Variants in ZNF699 observed in about 807,000 individuals in gnomAD.
ZNF699 encodes zinc finger protein 699, also known as hangover homolog.
ZNF699 carries 18 observed loss-of-function variants against 22.5 expected under a neutral mutation model. The observed-to-expected ratio is 0.80, with a 90% CI of 0.55 to 1.19. The LOEUF (loss-of-function observed/expected upper bound fraction) is 1.19. Ranked by LOEUF, ZNF699 falls within the 50% of genes most tolerant of loss-of-function variation. ZNF699 has a pLI of 0.00. For synonymous variants in ZNF699, 241 were observed against 262.3 expected, an observed-to-expected ratio of 0.92 and a Z score of 0.78; for missense variants, 670 against 763.4, an observed-to-expected ratio of 0.88 and a Z score of 1.44.
intron 3 of ZNF699, among the ~76,000 whole-genome samples, chr19:9,301,984 C>A (rs1252613992): frequency 1.3e-5 from 2 of 151,352 alleles, no homozygotes; most frequent in Non-Finnish European, 2.9e-5. Context: ...CTCACCGTAA[C>A]CTCCACCTCC....
At position 9,295,262 on chromosome 19, in the gene ZNF699, T is replaced by TAAAAAA; in HGVS notation, c.*212_*213insTTTTTT. On this transcript the variant is annotated 3_prime_UTR_variant, in exon 6 of 6. Coordinates refer to ENST00000591998, the MANE Select transcript of ZNF699 (RefSeq NM_198535.3). ...AGGATGAGGCACTGATCTTCATTTC[T>TAAAAAA]AGTAGAGATTTTCTTATACATAATA... The TAAAAAA allele has an allele frequency of 1.8e-6, 1 of 556,402 alleles. No individual in the cohort carries two copies. Among genetic ancestry groups the TAAAAAA allele is most frequent in the Admixed American group, 3.6e-5 (1 of 28,118 alleles). 34.5% of individuals were successfully genotyped at this position (556,402 alleles called of 1,614,324 possible).
chr19:9,297,972 G>T lies in ZNF699; in HGVS notation c.194C>A (p.Pro65His), dbSNP rs1294737378. Residue 65 changes from proline to histidine, a missense_variant, in exon 4 of 6, where the codon CCC (proline) becomes CAC (histidine). Coordinates refer to ENST00000591998, the MANE Select transcript of ZNF699 (RefSeq NM_198535.3). This position sits in a 1 kb window ranked among gnomAD's most constrained non-coding sequence, Gnocchi z 4.3. ...TTGTTCCCACTGGGAGATCAGATGG[G>T]GTGTGTGTAGCGGATACCCTGCACA... The part of the protein sequence containing the change: ...LASLGYPLHT[P>H]HLISQWEQEE... The T allele has an allele frequency of 5.6e-6, 9 of 1,612,712 alleles. No individual in the cohort carries two copies. Among genetic ancestry groups the T allele is most frequent in the African/African-American group, 1.3e-5 (1 of 74,620 alleles).
rs1202468015 is a variant in ZNF699 at position 9,301,134 on chromosome 19, AAAAAG to A, written c.175+1239_175+1243del. On this transcript the variant is annotated intron_variant, in intron 3 of 5. Coordinates refer to ENST00000591998, the MANE Select transcript of ZNF699 (RefSeq NM_198535.3). ...AAAATAATAATAAAGCCTACAAAAA[AAAAAG>A]AGAGAGAGAGAGAGAGAGAGAGAAG... is the stretch of plus-strand genomic sequence containing the variant. Among the ~76,000 whole-genome samples the A allele has an allele frequency of 7.3e-3, 1,073 of 146,556 alleles. 8 individuals carry two copies. The highest frequency in any genetic ancestry group is 0.028 in the African/African-American group (1,010 of 36,226).
At chr19:9,303,909 C>G (rs576361211) in intron 2 of ZNF699, among the ~76,000 whole-genome samples, 57 of 152,072 alleles carry the variant, frequency 3.7e-4, no homozygotes, top group African/African-American at 1.3e-3. Flanking sequence ...CCTCCACCTC[C>G]CTGGTTCAAG....
chr19:9,296,706 T>G lies in ZNF699; in HGVS notation c.698A>C (p.His233Pro). Reference protein sequence around the residue: ...YQCKECGKAFHFLACFKKHMK... With the variant: ...YQCKECGKAFPFLACFKKHMK... ...ATGCTTCTTGAAACAAGCAAGAAAATGGAAGGCCTTCCCACATTCCTTGCA... is the reference window on the plus strand; with the variant it reads ...ATGCTTCTTGAAACAAGCAAGAAAAGGGAAGGCCTTCCCACATTCCTTGCA... Residue 233 changes from histidine to proline, a missense_variant, in exon 6 of 6, where the codon CAT (histidine) becomes CCT (proline). Physicochemically the swap from His to Pro is moderately conservative, Grantham distance 77. Coordinates refer to ENST00000591998, the MANE Select transcript of ZNF699 (RefSeq NM_198535.3). The G allele has an allele frequency of 6.2e-7, 1 of 1,603,854 alleles. No homozygotes were observed. The highest frequency in any genetic ancestry group is 8.5e-7 in the Non-Finnish European group (1 of 1,176,990).
In ZNF699 at chr19:9,295,604, T is replaced by C. The variant is rs1443752174; in HGVS notation, c.1800A>G (p.Ser600=). 2.5e-6 allele frequency: 4 copies of C among 1,612,658 alleles called. No individual in the cohort carries two copies. Among genetic ancestry groups the C allele is most frequent in the African/African-American group, 2.7e-5 (2 of 74,350 alleles). The change falls in exon 6 of 6, where the codon TCA becomes TCG. Residue 600 remains serine, a synonymous_variant. Transcript: ENST00000591998. The part of the protein sequence containing the change: ...LECGKAFSCP[S]SFRRHVRSHT... ...GGCTTCTCACATGCCTTCGAAAGGA[T>C]GAGGGACAACTGAAAGCTTTTCCAC...
At chr19:9,299,626 C>T (rs2066299889) in intron 3 of ZNF699, among the ~76,000 whole-genome samples, 1 of 152,038 alleles carries the variant, frequency 6.6e-6, no homozygotes, top group Non-Finnish European at 1.5e-5. Context: ...GATAATAATG[C>T]TAAAGCATGA....
Position 9,295,592 on chromosome 19 carries a change from C to A in ZNF699, c.1812G>T (p.Arg604Ser). The A allele has an allele frequency of 6.3e-7, 1 of 1,592,284 alleles. No homozygotes were observed. The highest frequency in any genetic ancestry group is 1.1e-5 in the South Asian group (1 of 87,852). ...TCTCTCCAGTGTGGCTTCTCACATG[C>A]CTTCGAAAGGATGAGGGACAACTGA... ...KAFSCPSSFR[R>S]HVRSHTGEKP... is the part of the protein sequence containing the mutation. The change falls in exon 6 of 6, where the codon AGG (arginine) becomes AGT (serine). Residue 604 changes from arginine to serine, a missense_variant. Transcript: ENST00000591998.
intron 1 of ZNF699, among the ~76,000 whole-genome samples, chr19:9,305,705 C>G (rs1387631471): frequency 6.7e-6 from 1 of 149,044 alleles, no homozygotes; most frequent in African/African-American, 2.6e-5. Flanking sequence ...GAGCATCAGC[C>G]TATTTTTTTT....
intron 3 of ZNF699, among the ~76,000 whole-genome samples, chr19:9,300,227 C>T (rs1033699677): frequency 3.9e-5 from 6 of 152,124 alleles, no homozygotes; most frequent in Non-Finnish European, 7.4e-5. Context: ...ACTACAGGTG[C>T]CCGCCAACAC....
Position 9,294,591 on chromosome 19 carries a change from C to G in ZNF699, c.*884G>C, listed in dbSNP as rs894837624. ...CAGCTTTTTCTTCCCTTATGCCTTC[C>G]AAATCTCGTACAAACTCTTATTTTA... On this transcript the variant is annotated 3_prime_UTR_variant, in exon 6 of 6. Transcript: ENST00000591998. 4.6e-5 allele frequency: 7 copies of G among 152,132 alleles called. No homozygotes were observed. The highest frequency in any genetic ancestry group is 1.7e-4 in the African/African-American group (7 of 41,434). The allele number at this position is 152,132 out of a possible 1,614,324, so 9.4% of individuals were successfully genotyped here. A position where few individuals can be genotyped will look rare whatever the true frequency, so the allele number is the denominator to read the frequency against.
rs1377259328 is a variant in ZNF699 at position 9,294,401 on chromosome 19, A to G, written c.*1074T>C. ...ATCCTCCAGCCTCAGCTCCCTGAGT[A>G]GCTGGGACCACAGGTATGCACCATC... On this transcript the variant is annotated 3_prime_UTR_variant, in exon 6 of 6. Transcript: ENST00000591998. The G allele has an allele frequency of 4.6e-5, 7 of 152,294 alleles. No homozygotes were observed. Among genetic ancestry groups the G allele is most frequent in the Admixed American group, 4.6e-4 (7 of 15,286 alleles). The allele number at this position is 152,294 out of a possible 1,614,324, so 9.4% of individuals were successfully genotyped here.
intron 1 of ZNF699, among the ~76,000 whole-genome samples, chr19:9,307,579 C>T (rs2066331939): frequency 6.6e-6 from 1 of 152,088 alleles, no homozygotes; most frequent in Admixed American, 6.6e-5. Context: ...ATAACTATTT[C>T]AGATCATGCT....
intron 3 of ZNF699, 23 bp from the exon 4 acceptor site, chr19:9,298,013 C>T: frequency 6.8e-7 from 1 of 1,473,116 alleles, no homozygotes; most frequent in Non-Finnish European, 9.4e-7. Flanking sequence ...AAAGGCATAT[C>T]ACGAGGGAAA....
chr19:9,297,369 A>C lies in ZNF699; in HGVS notation c.397T>G (p.Phe133Val), dbSNP rs1217540593. 3.1e-6 allele frequency: 5 copies of C among 1,603,784 alleles called. No homozygotes were observed. The highest frequency in any genetic ancestry group is 3.4e-6 in the Non-Finnish European group (4 of 1,178,318). The change falls in exon 5 of 6, where the codon TTC becomes GTC. Residue 133 changes from phenylalanine (F) to valine (V), a missense_variant. Transcript: ENST00000591998. This position sits in a 1 kb window ranked among gnomAD's most constrained non-coding sequence, Gnocchi z 4.3. ...TCCTGGTTTTCATGTAAACTGGAGAACCAGGAATCATTCCTTTTGAATCTT... is the reference window on the plus strand; with the variant it reads ...TCCTGGTTTTCATGTAAACTGGAGACCCAGGAATCATTCCTTTTGAATCTT... ...IVRFKRNDSW[F>V]SSLHENQESC...
chr19:9,307,745 A>C (rs2066332527), intron 1 of ZNF699, among the ~76,000 whole-genome samples: 1 of 152,066 alleles, frequency 6.6e-6, no homozygotes, highest in Non-Finnish European at 1.5e-5. Flanking sequence ...TCAGGAGTTC[A>C]AGACCAGCCT....
chr19:9,307,106 CAGG>C (rs1473582640), intron 1 of ZNF699, among the ~76,000 whole-genome samples: 1 of 152,190 alleles, frequency 6.6e-6, no homozygotes, highest in East Asian at 1.9e-4. Flanking sequence ...GAGGCTGAGG[CAGG>C]AGAATTGTGT....
At chr19:9,302,534 AG>A in intron 2 of ZNF699, 30 bp from the exon 3 acceptor site, 1 of 1,581,240 alleles carries the variant, frequency 6.3e-7, no homozygotes, top group East Asian at 2.3e-5. Context: ...CTGTTCAGAA[AG>A]GTACAATTCC....
chr19:9,299,413 C>T (rs1386233900), intron 3 of ZNF699, among the ~76,000 whole-genome samples: 1 of 152,158 alleles, frequency 6.6e-6, no homozygotes, highest in African/African-American at 2.4e-5. Flanking sequence ...GGATTACAGG[C>T]GTCAGCCACC....
Sources: gnomAD v4.1 joint callset for allele counts (sites outside exome capture counted in the v4.1 genomes callset) on GRCh38, gnomAD v4.1.1 for gene constraint, Gnocchi (gnomAD v3.1) non-coding constraint, MANE v1.5 for transcripts, NCBI Gene and HGNC (gene_info 2026-07-23, HGNC 2026-07-21) for gene names.